Variants in SLC1A6 observed in about 807,000 individuals in gnomAD.
SLC1A6 encodes the protein solute carrier family 1 member 6, also known as excitatory amino acid transporter 4.
In SLC1A6, 15 loss-of-function variants were observed where a neutral mutation model predicts 42.1. The ratio of observed to expected loss-of-function variants is 0.36; its 90% CI spans 0.24 to 0.55. The LOEUF is 0.55. Ranked by LOEUF, SLC1A6 falls within the 20% of genes least tolerant of loss-of-function variation. The probability of loss-of-function intolerance (pLI) is 0.88; values close to 1 mark genes in which losing one functional copy is unlikely to be tolerated. For synonymous variants in SLC1A6, 317 were observed against 319.7 expected (o/e 0.99, Z 0.09); for missense variants, 542 against 772.5 (o/e 0.70, Z 3.54).
upstream of SLC1A6, among the ~76,000 whole-genome samples, chr19:14,981,017 A>G (rs2045764092): frequency 6.6e-6 from 1 of 152,006 alleles, no homozygotes; most frequent in African/African-American, 2.4e-5. Flanking sequence ...AGCCAGCCTG[A>G]CATAGTGGCC....
chr19:14,985,424 C>T (rs1052233794), intron 1 of SLC1A6, among the ~76,000 whole-genome samples: 1 of 152,122 alleles, frequency 6.6e-6, no homozygotes, highest in Non-Finnish European at 1.5e-5. Flanking sequence ...AGTTCTCACT[C>T]TATGAGTTCA....
At chr19:14,969,456 A>G (rs1028798714) in intron 3 of SLC1A6, among the ~76,000 whole-genome samples, 1 of 152,214 alleles carries the variant, frequency 6.6e-6, no homozygotes, top group Non-Finnish European at 1.5e-5. Context: ...AGGTGGCAGT[A>G]GAGCTGGGGA....
Position 14,950,973 on chromosome 19 carries a change from T to A in SLC1A6, c.1500-583A>T, listed in dbSNP as rs147668187. ...AAAAAAAAGAAAATGAGGCAGGGCG[T>A]GGTGGCTCATGCTTATAATCCCAGC... On this transcript the variant is annotated intron_variant, in intron 9 of 9. Transcript: ENST00000594383. Among the ~76,000 whole-genome samples, 175 of 146,530 alleles carry A rather than the reference T, an allele frequency of 1.2e-3. No individual in the cohort carries two copies. The East Asian group carries it at 0.029, about 25-fold the overall frequency.
At position 14,975,893 on chromosome 19, in the gene SLC1A6, A is replaced by AGGG. The variant is rs763704345; in HGVS notation, c.-7-2977_-7-2976insCCC. Among the ~76,000 whole-genome samples, 16 of 80,540 alleles carry AGGG rather than the reference A, an allele frequency of 2.0e-4. 2 individuals are homozygous for AGGG. Among genetic ancestry groups the AGGG allele is most frequent in the South Asian group, 4.4e-4 (1 of 2,252 alleles). The allele number at this position is 80,540 out of a possible 152,430, so 52.8% of individuals were successfully genotyped here. ...AGGAAAGGGAAGGGAAGGGAAGGGA[A>AGGG]GGAAAGGGAAGGGGGAAGGGAAGGA... On this transcript the variant is annotated intron_variant, in intron 1 of 9. Transcript: ENST00000594383.
chr19:15,008,400 GA>G (rs371486050), intron 1 of SLC1A6, among the ~76,000 whole-genome samples: 7,040 of 149,368 alleles, frequency 0.047, 253 homozygotes, highest in African/African-American at 0.096. Context: ...AAAGTAAAAA[GA>G]AAAAAAAACA....
At chr19:14,967,710 C>G (rs1192118602) in intron 4 of SLC1A6, among the ~76,000 whole-genome samples, 1 of 152,162 alleles carries the variant, frequency 6.6e-6, no homozygotes, top group Non-Finnish European at 1.5e-5. Context: ...TTCTTTTTCT[C>G]TAGGAGTTAA....
At chr19:14,996,921 G>C (rs2045850178) in intron 1 of SLC1A6, among the ~76,000 whole-genome samples, 1 of 152,104 alleles carries the variant, frequency 6.6e-6, no homozygotes, top group Non-Finnish European at 1.5e-5. Flanking sequence ...GTGGATATCA[G>C]TGGGCTCCCT....
intron 6 of SLC1A6, 31 bp from the exon 7 acceptor site, chr19:14,956,740 C>A (rs1287133966): frequency 2.7e-6 from 4 of 1,477,622 alleles, no homozygotes; most frequent in Non-Finnish European, 3.7e-6. Flanking sequence ...CCTGTCAGGG[C>A]TCCCTCCTGA....
intron 4 of SLC1A6, among the ~76,000 whole-genome samples, chr19:14,965,168 C>T (rs1043354192): frequency 1.8e-4 from 28 of 151,864 alleles, no homozygotes; most frequent in Non-Finnish European, 2.5e-4. Flanking sequence ...TAAAGTTGCC[C>T]ACCACCACGC....
upstream of SLC1A6, among the ~76,000 whole-genome samples, chr19:14,981,723 G>A (rs1236061349): frequency 6.6e-6 from 1 of 152,200 alleles, no homozygotes; most frequent in African/African-American, 2.4e-5. Flanking sequence ...GGCCTTGCAA[G>A]CCCTTTACAC....
chr19:14,964,940 G>A (rs2045556631), intron 4 of SLC1A6, among the ~76,000 whole-genome samples: 1 of 151,902 alleles, frequency 6.6e-6, no homozygotes, highest in African/African-American at 2.4e-5. Flanking sequence ...TGTTGGCATT[G>A]ATGTGGGGGA....
chr19:14,978,606 C>T (rs1280210908), intron 1 of SLC1A6, among the ~76,000 whole-genome samples: 1 of 152,010 alleles, frequency 6.6e-6, no homozygotes, highest in Non-Finnish European at 1.5e-5. Context: ...CATGTACACC[C>T]TCAGGCACAC....
At chr19:14,964,780 G>T (rs772221598) in intron 4 of SLC1A6, among the ~76,000 whole-genome samples, 2 of 152,084 alleles carry the variant, frequency 1.3e-5, no homozygotes, top group African/African-American at 2.4e-5. Context: ...TTTAGGTTTC[G>T]TCTAGGCCCA....
At chr19:14,994,883 C>CA (rs57713824) in intron 1 of SLC1A6, among the ~76,000 whole-genome samples, 60,715 of 151,606 alleles carry the variant, frequency 0.4, 12,338 homozygotes, top group South Asian at 0.46. Context: ...TATTCAGCCA[C>CA]AAAAAAAATA....
At chr19:15,000,237 C>T (rs536823287) in intron 1 of SLC1A6, among the ~76,000 whole-genome samples, 30 of 152,134 alleles carry the variant, frequency 2.0e-4, no homozygotes, top group African/African-American at 7.2e-4. Flanking sequence ...AGGATGTAAC[C>T]TTATCATAAG....
At chr19:14,959,672 A>C (rs1036722603) in intron 6 of SLC1A6, among the ~76,000 whole-genome samples, 1 of 152,088 alleles carries the variant, frequency 6.6e-6, no homozygotes, top group Non-Finnish European at 1.5e-5. Flanking sequence ...AACTTACCCC[A>C]TGCTCTCACC....
upstream of SLC1A6, among the ~76,000 whole-genome samples, chr19:14,982,578 AATAAT>A (rs1230512937): frequency 6.6e-6 from 1 of 152,218 alleles, no homozygotes; most frequent in Non-Finnish European, 1.5e-5. Context: ...GTATCAATAT[AATAAT>A]ATATCAATAT....
chr19:14,983,604 C>T (rs916370961), upstream of SLC1A6, among the ~76,000 whole-genome samples: 23 of 149,996 alleles, frequency 1.5e-4, no homozygotes, highest in African/African-American at 5.6e-4. Flanking sequence ...GGGAGGATCG[C>T]TTGAGCCTGG....
intron 1 of SLC1A6, among the ~76,000 whole-genome samples, chr19:14,989,395 T>C (rs1484795419): frequency 1.3e-5 from 2 of 151,790 alleles, no homozygotes; most frequent in Non-Finnish European, 2.9e-5. Context: ...CCGAGTAGCT[T>C]GAATTACAGG....
Sources: allele counts gnomAD v4.1 joint callset (sites outside exome capture counted in the v4.1 genomes callset), GRCh38; gene constraint gnomAD v4.1.1; transcripts MANE v1.5; gene names NCBI Gene and HGNC (gene_info 2026-07-23, HGNC 2026-07-21).